Variants in ALDH1L2 observed in about 807,000 individuals in gnomAD.
ALDH1L2 encodes the protein aldehyde dehydrogenase 1 family member L2.
A neutral mutation model predicts 111.0 loss-of-function variants in ALDH1L2; 91 were observed. That is an observed-to-expected ratio of 0.82 (90% CI 0.69 to 0.98). ALDH1L2 has a LOEUF of 0.98. Ranked by LOEUF, ALDH1L2 falls within the 50% of genes least tolerant of loss-of-function variation. ALDH1L2 has a pLI of 0.00. For missense variants in ALDH1L2, 995 were observed against 1,126.8 expected, an observed-to-expected ratio of 0.88 and a Z score of 1.67; for synonymous variants, 374 against 392.6, an observed-to-expected ratio of 0.95 and a Z score of 0.56.
At position 105,022,573 on chromosome 12, in the gene ALDH1L2, A is replaced by C. The variant is rs2136040371; in HGVS notation, c.*1851T>G. ...AATCAGTTAAAACATTTCACTTAAA[A>C]GTGATTACTTATAAAAAGGCTTTTG... On this transcript the variant is annotated 3_prime_UTR_variant, in exon 23 of 23. Coordinates refer to ENST00000258494, the MANE Select transcript of ALDH1L2 (RefSeq NM_001034173.4). The C allele has an allele frequency of 6.6e-6, 1 of 152,328 alleles. No individual in the cohort carries two copies. Among genetic ancestry groups the C allele is most frequent in the East Asian group, 1.9e-4 (1 of 5,188 alleles). 9.4% of individuals were successfully genotyped at this position (152,328 alleles called of 1,614,324 possible). A position where few individuals can be genotyped will look rare whatever the true frequency, so the allele number is the denominator to read the frequency against.
chr12:105,070,943 G>C, intron 2 of ALDH1L2, 139 bp from the exon 3 acceptor site: 1 of 739,902 alleles, frequency 1.4e-6, no homozygotes, highest in Admixed American at 2.9e-5. Flanking sequence ...ATTGTGACTA[G>C]AATTTCACCT....
intron 13 of ALDH1L2, chr12:105,048,189 C>G (rs1876029702): frequency 6.6e-6 from 1 of 152,178 alleles, no homozygotes; most frequent in Non-Finnish European, 1.5e-5. Flanking sequence ...TGTACAAATA[C>G]TCGTTTCCAA....
intron 15 of ALDH1L2, among the ~76,000 whole-genome samples, chr12:105,041,598 A>G (rs1055313348): frequency 2.0e-5 from 3 of 152,196 alleles, no homozygotes; most frequent in Admixed American, 2.0e-4. Context: ...GTCCATGGAT[A>G]ATTTCTGGAT....
At chr12:105,067,054 A>G (rs1877399854) in intron 4 of ALDH1L2, among the ~76,000 whole-genome samples, 1 of 152,034 alleles carries the variant, frequency 6.6e-6, no homozygotes, top group African/African-American at 2.4e-5. Flanking sequence ...GTCTCTACTA[A>G]AAATACAAAA....
At chr12:105,061,543 C>A in intron 8 of ALDH1L2, 84 bp downstream of exon 8, 2 of 1,554,362 alleles carry the variant, frequency 1.3e-6, no homozygotes, top group East Asian at 4.5e-5. Context: ...TCTGATCCCA[C>A]TACTTTGAGG....
chr12:105,062,812 AG>A, intron 7 of ALDH1L2, 75 bp downstream of exon 7: 1 of 1,529,558 alleles, frequency 6.5e-7, no homozygotes, highest in Non-Finnish European at 8.8e-7. Context: ...ATGGAGTGAA[AG>A]CTATTCCCTT....
At chr12:105,056,870 A>G (rs979189660) in intron 10 of ALDH1L2, among the ~76,000 whole-genome samples, 7 of 151,534 alleles carry the variant, frequency 4.6e-5, no homozygotes, top group African/African-American at 1.5e-4. Context: ...AAAAGGTGTC[A>G]GACAAGACAC....
At chr12:105,055,493 A>G (rs1876557762) in intron 10 of ALDH1L2, among the ~76,000 whole-genome samples, 1 of 152,206 alleles carries the variant, frequency 6.6e-6, no homozygotes, top group East Asian at 1.9e-4. Flanking sequence ...TATTATTTTA[A>G]ATGACCACCT....
chr12:105,079,106 T>C (rs1216890665), intron 1 of ALDH1L2, among the ~76,000 whole-genome samples: 2 of 152,190 alleles, frequency 1.3e-5, no homozygotes, highest in East Asian at 1.9e-4. Context: ...TCTGGAGGCA[T>C]GAACTAGCTC....
chr12:105,064,114 C>CTTTTT lies in ALDH1L2; in HGVS notation c.787-1097_787-1093dup, dbSNP rs71069786. ...TACAGGCACATGCCACCACACCGAG[C>CTTTTT]TTTTTTTTTTTTTTTTTTTTTTTTT... is the stretch of plus-strand genomic sequence containing the variant. On this transcript the variant is annotated intron_variant, in intron 6 of 22. Coordinates refer to ENST00000258494, the MANE Select transcript of ALDH1L2 (RefSeq NM_001034173.4). Among the ~76,000 whole-genome samples, 17 of 35,122 alleles carry CTTTTT rather than the reference C, an allele frequency of 4.8e-4. 5 individuals carry two copies. Among genetic ancestry groups the CTTTTT allele is most frequent in the East Asian group, 2.2e-3 (2 of 898 alleles). 23.0% of individuals were successfully genotyped at this position (35,122 alleles called of 152,430 possible).
chr12:105,049,295 G>A (rs1010531889), intron 13 of ALDH1L2, among the ~76,000 whole-genome samples: 1 of 152,114 alleles, frequency 6.6e-6, no homozygotes, highest in Non-Finnish European at 1.5e-5. Flanking sequence ...AAATCTGGTC[G>A]TATGGGTTAC....
At position 105,030,368 on chromosome 12, in the gene ALDH1L2, C is replaced by T. The variant is rs1296301730; in HGVS notation, c.2472G>A (p.Glu824=). ...TGACCATAATAGGCCCAAAGGATTCCTCTTTGGCGAGGTACATGTAGTCTT... is the reference window on the plus strand; with the variant it reads ...TGACCATAATAGGCCCAAAGGATTCTTCTTTGGCGAGGTACATGTAGTCTT... ...DVEDYMYLAK[E]ESFGPIMVIS... The change falls in exon 21 of 23, where the codon GAG becomes GAA. Residue 824 remains glutamate (E), a synonymous_variant. Coordinates refer to ENST00000258494, the MANE Select transcript of ALDH1L2 (RefSeq NM_001034173.4). The T allele has an allele frequency of 6.2e-7, 1 of 1,613,498 alleles. No homozygotes were observed. The highest frequency in any genetic ancestry group is 2.2e-5 in the East Asian group (1 of 44,824).
intron 1 of ALDH1L2, among the ~76,000 whole-genome samples, chr12:105,079,739 GAAAA>G (rs1878247334): frequency 2.4e-5 from 1 of 41,708 alleles, no homozygotes; most frequent in Non-Finnish European, 7.7e-5. Context: ...CTTACGAAAA[GAAAA>G]GATCACAGAT....
In ALDH1L2 at chr12:105,065,420, G is replaced by A. The variant is rs762412646; in HGVS notation, c.697-64C>T. On this transcript the variant is annotated intron_variant, in intron 5 of 22. Transcript: ENST00000258494. ...TGTGAACCTCAAAGGCAATAAAAAC[G>A]CTTCTCGTCATCAGAGGCAGAAACA... is the stretch of plus-strand genomic sequence containing the variant. 91 of 1,369,682 alleles carry A rather than the reference G, an allele frequency of 6.6e-5. No homozygotes were observed. The African/African-American group carries it at 7.2e-4, about 11-fold the overall frequency. The allele number at this position is 1,369,682 out of a possible 1,614,324, so 84.8% of individuals were successfully genotyped here.
intron 3 of ALDH1L2, among the ~76,000 whole-genome samples, chr12:105,069,242 C>T (rs1404903169): frequency 2.0e-5 from 3 of 152,106 alleles, no homozygotes; most frequent in East Asian, 1.9e-4. Context: ...ATTCCTACAT[C>T]GTATTTGACC....
At position 105,052,858 on chromosome 12, in the gene ALDH1L2, G is replaced by C; in HGVS notation, c.1361C>G (p.Ala454Gly). 8.1e-6 allele frequency: 13 copies of C among 1,614,080 alleles called. No individual in the cohort carries two copies. Among genetic ancestry groups the C allele is most frequent in the Non-Finnish European group, 9.3e-6 (11 of 1,179,976 alleles). The change falls in exon 11 of 23, where the codon GCA (alanine) becomes GGA (glycine). Residue 454 changes from alanine to glycine, a missense_variant. Ala to Gly is a moderately conservative substitution (Grantham distance 60). Transcript: ENST00000258494. ...AGTGTCGTAAGTCTTTCCATCGTCT[G>C]CATCTGTGAACTGTCCATTTATGAA... ...QCFINGQFTD[A>G]DDGKTYDTIN...
intron 19 of ALDH1L2, among the ~76,000 whole-genome samples, chr12:105,033,294 T>C (rs569901062): frequency 5.6e-4 from 85 of 152,368 alleles, no homozygotes; most frequent in African/African-American, 1.8e-3. Context: ...TGTACTGATA[T>C]AGCAAATCCT....
At chr12:105,044,067 A>T (rs1451944640) in intron 15 of ALDH1L2, among the ~76,000 whole-genome samples, 2 of 152,252 alleles carry the variant, frequency 1.3e-5, no homozygotes, top group African/African-American at 4.8e-5. Context: ...AAAGTCCAGC[A>T]TAACAATGGC....
chr12:105,027,970 G>A (rs1463564995), intron 21 of ALDH1L2, among the ~76,000 whole-genome samples: 1 of 152,162 alleles, frequency 6.6e-6, no homozygotes. Flanking sequence ...AGCAGGTGAA[G>A]ACATGAACCT....
Sources: allele counts gnomAD v4.1 joint callset (sites outside exome capture counted in the v4.1 genomes callset), GRCh38; gene constraint gnomAD v4.1.1; transcripts MANE v1.5; gene names NCBI Gene and HGNC (gene_info 2026-07-23, HGNC 2026-07-21).